FANCI: variants seen among roughly 807,000 people sequenced by gnomAD.
The protein encoded by FANCI is Fanconi anemia group I protein.
A neutral mutation model predicts 176.1 loss-of-function variants in FANCI; 156 were observed. The ratio of observed to expected loss-of-function variants is 0.89; its 90% CI spans 0.78 to 1.01. FANCI has a LOEUF of 1.01. Ranked by LOEUF, FANCI falls within the 50% of genes least tolerant of loss-of-function variation. The probability of loss-of-function intolerance (pLI) is 0.00; values close to 1 mark genes in which losing one functional copy is unlikely to be tolerated. For synonymous variants in FANCI, 613 were observed against 541.7 expected (o/e 1.13, Z -1.83); for missense variants, 1,678 against 1,534.1 (o/e 1.09, Z -1.57).
At chr15:89,248,850 C>A (rs1596209978) in intron 2 of FANCI, among the ~76,000 whole-genome samples, 1 of 152,062 alleles carries the variant, frequency 6.6e-6, no homozygotes, top group African/African-American at 2.4e-5. Flanking sequence ...TGATAAGTTG[C>A]TAAGTTTCCT....
At chr15:89,294,857 A>G (rs2054193569) in intron 23 of FANCI, 58 bp from the exon 24 acceptor site, 1 of 1,511,168 alleles carries the variant, frequency 6.6e-7, no homozygotes, top group Middle Eastern at 1.8e-4. Flanking sequence ...TTAATTCCAT[A>G]TACCAATAGC....
intron 23 of FANCI, among the ~76,000 whole-genome samples, chr15:89,294,466 T>A (rs2054178563): frequency 6.6e-6 from 1 of 152,024 alleles, no homozygotes; most frequent in Admixed American, 6.6e-5. Flanking sequence ...GCACCTGTAG[T>A]CCCGGCTACT....
intron 2 of FANCI, among the ~76,000 whole-genome samples, chr15:89,253,903 A>G (rs886193499): frequency 1.8e-5 from 2 of 113,722 alleles, no homozygotes; most frequent in Non-Finnish European, 3.5e-5. Context: ...TTCACTCATA[A>G]TAAGAGAAAA....
chr15:89,286,217 T>C (rs2053810699), intron 18 of FANCI, among the ~76,000 whole-genome samples: 2 of 152,202 alleles, frequency 1.3e-5, no homozygotes, highest in South Asian at 4.1e-4. Flanking sequence ...GGTCTTGTAC[T>C]CCTGGCCTCA....
Position 89,276,826 on chromosome 15 carries a change from C to T in FANCI, c.1228C>T (p.Leu410Phe), listed in dbSNP as rs1199005645. ...DGKTIETSPSLSRMPNQHACK... is the reference protein window; with the variant it reads ...DGKTIETSPSFSRMPNQHACK... ...AAAAACTATTGAAACCAGCCCAAGT[C>T]TTTCTAGAATGCCAAACCAGCATGC... Residue 410 changes from leucine to phenylalanine, a missense_variant, in exon 13 of 38, where the codon CTT becomes TTT. Coordinates refer to ENST00000310775, the MANE Select transcript of FANCI (RefSeq NM_001113378.2). 1.2e-6 allele frequency: 2 copies of T among 1,614,164 alleles called. No homozygotes were observed. Among genetic ancestry groups the T allele is most frequent in the East Asian group, 2.2e-5 (1 of 44,860 alleles).
chr15:89,294,986 T>C lies in FANCI; in HGVS notation c.2528T>C (p.Val843Ala). Reference sequence around the variant, plus strand: ...AGCAATGAGTTTATGCGCTATGCAGTGAATGTAGCTCTGCAGAAAGTACAG... The same window carrying C: ...AGCAATGAGTTTATGCGCTATGCAGCGAATGTAGCTCTGCAGAAAGTACAG... ...RSSNEFMRYAVNVALQKVQQL... is the reference protein window; with the variant it reads ...RSSNEFMRYAANVALQKVQQL... Residue 843 changes from valine to alanine, a missense_variant, in exon 24 of 38, where the codon GTG becomes GCG. Val to Ala is a moderately conservative substitution (Grantham distance 64). Transcript: ENST00000310775. 1 of 1,552,070 alleles carries C rather than the reference T, an allele frequency of 6.4e-7. No individual in the cohort carries two copies. The highest frequency in any genetic ancestry group is 1.2e-5 in the South Asian group (1 of 84,006).
chr15:89,312,816 TAAAAAA>T (rs11321073), intron 34 of FANCI, 82 bp from the exon 35 acceptor site: 6 of 864,258 alleles, frequency 6.9e-6, no homozygotes, highest in East Asian at 2.9e-5. Context: ...AGCTCTGTCT[TAAAAAA>T]AAAAAAAAAA....
intron 7 of FANCI, 88 bp downstream of exon 7, chr15:89,263,548 C>G: frequency 9.0e-7 from 1 of 1,110,672 alleles, no homozygotes; most frequent in African/African-American, 1.5e-5. Flanking sequence ...GTAAACATCA[C>G]TCTCTCCTGA....
intron 9 of FANCI, among the ~76,000 whole-genome samples, chr15:89,267,008 C>G (rs13329068): frequency 6.6e-6 from 1 of 150,826 alleles, no homozygotes; most frequent in African/African-American, 2.5e-5. Context: ...ATGGGATTAT[C>G]AAGGGAAAGC....
chr15:89,269,983 G>A (rs1032010365), intron 10 of FANCI, among the ~76,000 whole-genome samples: 2 of 152,050 alleles, frequency 1.3e-5, no homozygotes, highest in South Asian at 2.1e-4. Flanking sequence ...GCTAATTTTC[G>A]TATTTTTAAT....
Position 89,278,598 on chromosome 15 carries a change from A to G in FANCI, c.1294-89A>G, listed in dbSNP as rs73468711. On this transcript the variant is annotated intron_variant, in intron 13 of 37. Transcript: ENST00000310775. ...ATTTTTTGAGTTTTACTCATATCCA[A>G]ACGGTTCTTCATGCTGCCTGACATG... The G allele has an allele frequency of 9.2e-3, 8,580 of 928,886 alleles. 358 individuals are homozygous for G. In the African/African-American group the frequency reaches 0.11, roughly 11 times the overall value. The allele number at this position is 928,886 out of a possible 1,614,324, so 57.5% of individuals were successfully genotyped here.
rs952080202 is a variant in FANCI at position 89,293,990 on chromosome 15, C to A, written c.2449C>A (p.Leu817Ile). 5 of 1,614,138 alleles carry A rather than the reference C, an allele frequency of 3.1e-6. No individual in the cohort carries two copies. The highest frequency in any genetic ancestry group is 4.2e-6 in the Non-Finnish European group (5 of 1,180,004). The change falls in exon 23 of 38, where the codon CTT becomes ATT. Residue 817 changes from leucine (L) to isoleucine (I), a missense_variant. By Grantham distance (5) the Leu-to-Ile change is conservative. Transcript: ENST00000310775. ...ATTTGTGTCCAGTCTTCTCACTGCT[C>A]TTTTCAGGTAAGGTTCTGCTAGAGT... Reference protein sequence around the residue: ...MKFVSSLLTALFRDSIQSHQE... With the variant: ...MKFVSSLLTAIFRDSIQSHQE...
intron 8 of FANCI, 153 bp downstream of exon 8, chr15:89,264,179 C>T (rs2052839724): frequency 4.4e-6 from 4 of 900,048 alleles, no homozygotes; most frequent in Non-Finnish European, 7.2e-6. Context: ...AACATAGATG[C>T]TTTCATTTCA....
In FANCI at chr15:89,285,166, G is replaced by A. The variant is rs2053767403; in HGVS notation, c.1769G>A (p.Ser590Asn). 6.2e-7 allele frequency: 1 copy of A among 1,614,190 alleles called. No individual in the cohort carries two copies. The highest frequency in any genetic ancestry group is 1.1e-5 in the South Asian group (1 of 91,090). The change falls in exon 18 of 38, where the codon AGT becomes AAT. Residue 590 changes from serine (S) to asparagine (N), a missense_variant. By Grantham distance (46) the Ser-to-Asn change is conservative (BLOSUM62 1). Coordinates refer to ENST00000310775, the MANE Select transcript of FANCI (RefSeq NM_001113378.2). ...ACTTTTTGCCTTGAGATCATGGATA[G>A]TTTGAGGAGATGCTTAAGCCAGCAA... Reference protein sequence around the residue: ...NETFCLEIMDSLRRCLSQQAD... With the variant: ...NETFCLEIMDNLRRCLSQQAD...
Position 89,263,976 on chromosome 15 carries a change from C to G in FANCI, c.619C>G (p.Leu207Val). 1 of 1,614,080 alleles carries G rather than the reference C, an allele frequency of 6.2e-7. No homozygotes were observed. The highest frequency in any genetic ancestry group is 8.5e-7 in the Non-Finnish European group (1 of 1,179,946). ...KALSMFSKMNLQEIPPLVYQL... is the reference protein window; with the variant it reads ...KALSMFSKMNVQEIPPLVYQL... ...ATTGAGCATGTTCTCCAAGATGAAT[C>G]TTCAAGAAATACCACCTTTGGTCTA... The change falls in exon 8 of 38, where the codon CTT (leucine) becomes GTT (valine). Residue 207 changes from leucine (L) to valine (V), a missense_variant. Around this residue, in one of 3 missense-constraint regions of FANCI, gnomAD observed 469 missense variants for 436.9 expected, o/e 1.07. Coordinates refer to ENST00000310775, the MANE Select transcript of FANCI (RefSeq NM_001113378.2).
chr15:89,267,580 A>G (rs1426129140), intron 9 of FANCI, among the ~76,000 whole-genome samples: 1 of 152,056 alleles, frequency 6.6e-6, no homozygotes, highest in African/African-American at 2.4e-5. Context: ...AGAGATTGTG[A>G]GATAAAAAAG....
At chr15:89,256,901 C>A (rs770485610) in intron 2 of FANCI, among the ~76,000 whole-genome samples, 6 of 152,028 alleles carry the variant, frequency 3.9e-5, no homozygotes, top group Non-Finnish European at 7.4e-5. Flanking sequence ...TCCTTGATTT[C>A]TTTCTTTTTT....
Position 89,316,947 on chromosome 15 carries a change from C to G in FANCI, c.*488C>G. On this transcript the variant is annotated 3_prime_UTR_variant, in exon 38 of 38. Coordinates refer to ENST00000310775, the MANE Select transcript of FANCI (RefSeq NM_001113378.2). ...GAGAGTGAAAGGTTGAGAACAATTG[C>G]CACGAACGGTAATGTTACATGTTAG... The G allele has an allele frequency of 1.3e-6, 1 of 768,610 alleles. No homozygotes were observed. The highest frequency in any genetic ancestry group is 2.4e-6 in the Non-Finnish European group (1 of 424,490). 47.6% of individuals were successfully genotyped at this position (768,610 alleles called of 1,614,324 possible). A position where few individuals can be genotyped will look rare whatever the true frequency, so the allele number is the denominator to read the frequency against.
chr15:89,296,132 T>G (rs2054259335), intron 24 of FANCI, among the ~76,000 whole-genome samples: 1 of 152,044 alleles, frequency 6.6e-6, no homozygotes, highest in Admixed American at 6.5e-5. Context: ...GCCCTGCTAA[T>G]TTTTGTATTT....
Sources: allele counts gnomAD v4.1 joint callset (sites outside exome capture counted in the v4.1 genomes callset), GRCh38; gene constraint gnomAD v4.1.1; regional missense constraint gnomAD v4.1.1; transcripts MANE v1.5; gene names NCBI Gene and HGNC (gene_info 2026-07-23, HGNC 2026-07-21).